ASPG: variants seen among roughly 807,000 people sequenced by gnomAD.
The protein encoded by ASPG is 60 kDa lysophospholipase.
Under a neutral mutation model 63.2 loss-of-function variants are expected in ASPG, and 53 were observed. The ratio of observed to expected loss-of-function variants is 0.84; its 90% confidence interval spans 0.67 to 1.05. ASPG has a LOEUF of 1.05. Among genes scored for constraint, ASPG ranks in the 50% least tolerant of loss-of-function variants. The probability of loss-of-function intolerance (pLI) is 0.00; values close to 1 mark genes in which losing one functional copy is unlikely to be tolerated. For missense variants in ASPG, 741 were observed against 794.4 expected (o/e 0.93, Z 0.81); for synonymous variants, 370 against 355.0 (o/e 1.04, Z -0.48).
intron 7 of ASPG, among the ~76,000 whole-genome samples, chr14:104,104,005 G>A (rs918722280): frequency 6.6e-6 from 1 of 152,250 alleles, no homozygotes; most frequent in African/African-American, 2.4e-5. Context: ...TTGCTCTGGG[G>A]CCTCTGATGG....
At chr14:104,098,766 T>C (rs2036739668) in intron 5 of ASPG, 87 bp from the exon 6 acceptor site, 2 of 1,563,506 alleles carry the variant, frequency 1.3e-6, no homozygotes, top group Non-Finnish European at 1.7e-6. Context: ...TCTGGGCACC[T>C]CATTGATGGC....
At chr14:104,103,356 C>T (rs557272440) in intron 6 of ASPG, among the ~76,000 whole-genome samples, 1 of 152,278 alleles carries the variant, frequency 6.6e-6, no homozygotes, top group African/African-American at 2.4e-5. Context: ...CCCGTGCACG[C>T]TGCGGAGCCT....
Position 104,104,435 on chromosome 14 carries a change from CTG to C in ASPG, c.887_888del (p.Cys296TyrfsTer117), listed in dbSNP as rs766175279. The C allele has an allele frequency of 3.8e-5, 62 of 1,612,472 alleles. No homozygotes were observed. In the East Asian group the frequency reaches 1.4e-3, roughly 35 times the overall value. On this transcript the variant is annotated frameshift_variant, in exon 8 of 16. Coordinates refer to ENST00000551177, the MANE Select transcript of ASPG (RefSeq NM_001080464.3). LOFTEE classifies it high-confidence loss of function. ...CCGAGCGCGGCCTGGTCATCGTCAA[CTG>C]TACCCACTGCCTCCAGGGGGCTGTG... Reference protein sequence around the residue: ...ATERGLVIVNCTHCLQGAVTT... With the variant: ...ATERGLVIVNXTHCLQGAVTT...
intron 7 of ASPG, 121 bp from the exon 8 acceptor site, chr14:104,104,183 C>A: frequency 8.7e-7 from 1 of 1,153,798 alleles, no homozygotes. Flanking sequence ...GTCCCGGGAG[C>A]AGAGCAGGCA....
intron 4 of ASPG, 119 bp from the exon 5 acceptor site, chr14:104,097,435 T>C: frequency 9.7e-7 from 1 of 1,027,522 alleles, no homozygotes; most frequent in Non-Finnish European, 1.4e-6. Context: ...TGTCCTTCTC[T>C]TTCCCACACC....
intron 6 of ASPG, 129 bp from the exon 7 acceptor site, chr14:104,103,434 C>A: frequency 1.3e-6 from 1 of 776,028 alleles, no homozygotes; most frequent in Non-Finnish European, 2.1e-6. Context: ...GGCGAGGGGG[C>A]TGAGCCGCGA....
rs1417487159 is a variant in ASPG, at chr14:104,109,903, T to C, written c.1520+588T>C. The C allele has an allele frequency of 1.0e-5, 10 of 971,070 alleles. No individual in the cohort carries two copies. Among genetic ancestry groups the C allele is most frequent in the Admixed American group, 1.2e-4 (2 of 16,228 alleles). The allele number at this position is 971,070 out of a possible 1,614,324, so 60.2% of individuals were successfully genotyped here. On this transcript the variant is annotated intron_variant, in intron 13 of 15. Coordinates refer to ENST00000551177, the MANE Select transcript of ASPG (RefSeq NM_001080464.3). This position sits in a 1 kb window ranked among gnomAD's most constrained non-coding sequence, Gnocchi z 4.8. ...TGACCACCGAGGCAGGCTCAGGCCT[T>C]CTGACATCATGTTGTTGTTGGGGAG...
intron 1 of ASPG, among the ~76,000 whole-genome samples, chr14:104,090,118 A>G (rs2036325656): frequency 6.6e-6 from 1 of 152,152 alleles, no homozygotes; most frequent in Non-Finnish European, 1.5e-5. Context: ...AAAAGCACAT[A>G]TGGAGTGTTT....
At chr14:104,092,934 C>G (rs543527706) in intron 2 of ASPG, 193 bp downstream of exon 2, 1 of 586,194 alleles carries the variant, frequency 1.7e-6, no homozygotes, top group Non-Finnish European at 3.0e-6. Flanking sequence ...GAGGGTGCCC[C>G]GTGCCTGGTC....
chr14:104,104,891 G>T, intron 9 of ASPG, 156 bp downstream of exon 9: 1 of 660,332 alleles, frequency 1.5e-6, no homozygotes, highest in Non-Finnish European at 2.5e-6. Flanking sequence ...CTATAGTGGG[G>T]AAGGGCAGCT....
chr14:104,102,804 G>A (rs966270188), intron 6 of ASPG, among the ~76,000 whole-genome samples: 2 of 152,204 alleles, frequency 1.3e-5, no homozygotes, highest in Admixed American at 6.5e-5. Context: ...GGACAAGCAT[G>A]TCCTCTGGGG....
intron 14 of ASPG, 103 bp downstream of exon 14, chr14:104,111,704 C>A: frequency 9.9e-7 from 1 of 1,011,684 alleles, no homozygotes; most frequent in Non-Finnish European, 1.5e-6. Flanking sequence ...CCGCTCTGCC[C>A]CTCCCCCAAA....
chr14:104,097,674 G>A, intron 5 of ASPG, 37 bp downstream of exon 5: 1 of 1,543,410 alleles, frequency 6.5e-7, no homozygotes, highest in Middle Eastern at 2.1e-4. Flanking sequence ...GGGCAGGTGG[G>A]GTGGGGGCAG....
At position 104,110,314 on chromosome 14, in the gene ASPG, G is replaced by A. The variant is rs558666649; in HGVS notation, c.1520+999G>A. On this transcript the variant is annotated intron_variant, in intron 13 of 15. Coordinates refer to ENST00000551177, the MANE Select transcript of ASPG (RefSeq NM_001080464.3). This position sits in a 1 kb window ranked among gnomAD's most constrained non-coding sequence, Gnocchi z 4.7. The stretch of plus-strand genomic sequence containing the variant: ...CTGCCCAGCAGGAGGAGGACTAGCA[G>A]CTCTGGCTTCTCCTCTGGGACCGGC... 3 of 985,348 alleles carry A rather than the reference G, an allele frequency of 3.0e-6. No homozygotes were observed. The East Asian group carries it at 3.4e-4, about 112-fold the overall frequency. The allele number at this position is 985,348 out of a possible 1,614,324, so 61.0% of individuals were successfully genotyped here. A position where few individuals can be genotyped will look rare whatever the true frequency, so the allele number is the denominator to read the frequency against.
At position 104,105,347 on chromosome 14, in the gene ASPG, G is replaced by T; in HGVS notation, c.1070G>T (p.Arg357Leu). 1 of 1,612,612 alleles carries T rather than the reference G, an allele frequency of 6.2e-7. No individual in the cohort carries two copies. Among genetic ancestry groups the T allele is most frequent in the Non-Finnish European group, 8.5e-7 (1 of 1,179,754 alleles). The change falls in exon 10 of 16, where the codon CGG becomes CTG. Residue 357 changes from arginine to leucine, a missense_variant. Physicochemically the swap from Arg to Leu is moderately radical, Grantham distance 102. Coordinates refer to ENST00000551177, the MANE Select transcript of ASPG (RefSeq NM_001080464.3). ...CACCAGCTGCTGACCAAGGACCTTC[G>T]GGGGGAGATGACGCCACCCTCGGTG... ...VRKELLTKDLRGEMTPPSVEE... is the reference protein window; with the variant it reads ...VRKELLTKDLLGEMTPPSVEE...
intron 7 of ASPG, 151 bp from the exon 8 acceptor site, chr14:104,104,153 C>A: frequency 1.1e-6 from 1 of 879,174 alleles, no homozygotes; most frequent in Non-Finnish European, 1.7e-6. Flanking sequence ...CAGCCATGCA[C>A]GTCTGCCAGG....
At chr14:104,093,642 TGG>T in intron 3 of ASPG, 40 bp downstream of exon 3, 1 of 759,698 alleles carries the variant, frequency 1.3e-6, no homozygotes, top group Non-Finnish European at 1.6e-6. Context: ...CTGTGGTGTG[TGG>T]GTGGGGCTGA....
Position 104,104,483 on chromosome 14 carries a change from C to T in ASPG, c.933C>T (p.Gly311=). 1 of 1,611,584 alleles carries T rather than the reference C, an allele frequency of 6.2e-7. No homozygotes were observed. The highest frequency in any genetic ancestry group is 8.5e-7 in the Non-Finnish European group (1 of 1,179,118). ...QGAVTTDYAA[G]MAMAGAGVIS... is the part of the protein sequence containing the mutation. Reference sequence around the variant, plus strand: ...CTGTGACCACAGACTATGCAGCTGGCATGGTAGTGCCGGGAGATCAGGGCC... The same window carrying T: ...CTGTGACCACAGACTATGCAGCTGGTATGGTAGTGCCGGGAGATCAGGGCC... The change falls in exon 8 of 16, where the codon GGC becomes GGT. Residue 311 remains glycine (G), a synonymous_variant. Coordinates refer to ENST00000551177, the MANE Select transcript of ASPG (RefSeq NM_001080464.3).
At position 104,109,962 on chromosome 14, in the gene ASPG, C is replaced by T. The variant is rs936940164; in HGVS notation, c.1520+647C>T. The T allele has an allele frequency of 3.5e-5, 34 of 985,166 alleles. No homozygotes were observed. Among genetic ancestry groups the T allele is most frequent in the Admixed American group, 1.2e-4 (2 of 16,256 alleles). The allele number at this position is 985,166 out of a possible 1,614,324, so 61.0% of individuals were successfully genotyped here. On this transcript the variant is annotated intron_variant, in intron 13 of 15. Transcript: ENST00000551177. The surrounding 1 kb of genome is among the most constrained non-coding windows in gnomAD (Gnocchi z 4.8). ...GCAGGGAGGCCTTCGGCGAGGGTGT[C>T]GGTTGTGGGTGGAGGTGGGCCAGGG...
Sources: allele counts gnomAD v4.1 joint callset (sites outside exome capture counted in the v4.1 genomes callset), GRCh38; gene constraint gnomAD v4.1.1; non-coding constraint Gnocchi (gnomAD v3.1); transcripts MANE v1.5; gene names NCBI Gene and HGNC (gene_info 2026-07-23, HGNC 2026-07-21).